The following CAMKMT variants were observed in gnomAD, a reference collection of about 807,000 sequenced individuals.
The protein encoded by CAMKMT is CaM KMT.
Under a neutral mutation model 48.0 loss-of-function variants are expected in CAMKMT, and 53 were observed. That is an observed-to-expected ratio of 1.10 (90% CI 0.89 to 1.39). The LOEUF (loss-of-function observed/expected upper bound fraction) is 1.39. Among genes scored for constraint, CAMKMT ranks in the 40% most tolerant of loss-of-function variants. The pLI, the probability that CAMKMT is intolerant of heterozygous loss-of-function variation, is 0.00. For missense variants in CAMKMT, 428 were observed against 402.7 expected (o/e 1.06, Z -0.54); for synonymous variants, 165 against 152.3 (o/e 1.08, Z -0.61).
intron 3 of CAMKMT, among the ~76,000 whole-genome samples, chr2:44,607,450 C>A (rs1171846020): frequency 1.3e-5 from 2 of 152,160 alleles, no homozygotes; most frequent in East Asian, 3.8e-4. Flanking sequence ...ATTGCTCTTG[C>A]ATGTGTCGCA....
At chr2:44,365,132 A>C (rs1380875530) in intron 1 of CAMKMT, among the ~76,000 whole-genome samples, 1 of 152,240 alleles carries the variant, frequency 6.6e-6, no homozygotes, top group Non-Finnish European at 1.5e-5. Context: ...GAAAACTATA[A>C]GGAATCTAAG....
At chr2:44,770,158 T>G (rs1401496667) in intron 10 of CAMKMT, among the ~76,000 whole-genome samples, 2 of 152,258 alleles carry the variant, frequency 1.3e-5, no homozygotes, top group African/African-American at 4.8e-5. Flanking sequence ...TTCTTAAAAC[T>G]CATAACATTC....
intron 3 of CAMKMT, among the ~76,000 whole-genome samples, chr2:44,544,911 A>G (rs1309786085): frequency 1.3e-5 from 2 of 152,258 alleles, no homozygotes; most frequent in African/African-American, 2.4e-5. Context: ...ATGTAATCCA[A>G]TGATGACTAG....
intron 3 of CAMKMT, among the ~76,000 whole-genome samples, chr2:44,399,850 C>T (rs997811720): frequency 1.3e-5 from 2 of 152,126 alleles, no homozygotes; most frequent in African/African-American, 2.4e-5. Context: ...TGTACAGCCT[C>T]GTTTGCCTCC....
chr2:44,427,850 C>G (rs116602881), intron 3 of CAMKMT, among the ~76,000 whole-genome samples: 2,039 of 152,248 alleles, frequency 0.013, 45 homozygotes, highest in African/African-American at 0.047. Context: ...TTGACCCCCT[C>G]ATGGGACTTG....
At chr2:44,384,647 A>T (rs1037645804) in intron 2 of CAMKMT, among the ~76,000 whole-genome samples, 1 of 151,718 alleles carries the variant, frequency 6.6e-6, no homozygotes, top group Non-Finnish European at 1.5e-5. Flanking sequence ...AATCCATCCT[A>T]AGTTGATTTT....
At chr2:44,666,756 C>T (rs527370767) in intron 3 of CAMKMT, among the ~76,000 whole-genome samples, 27 of 152,110 alleles carry the variant, frequency 1.8e-4, no homozygotes, top group African/African-American at 4.3e-4. Context: ...AGTACAGGCG[C>T]GAGCCGCCAT....
rs190703922 is a variant in CAMKMT at position 44,577,787 on chromosome 2, A to G, written c.377-126496A>G. Among the ~76,000 whole-genome samples the G allele has an allele frequency of 1.6e-3, 236 of 152,216 alleles. 3 individuals carry two copies. The highest frequency in any genetic ancestry group is 5.6e-3 in the South Asian group (27 of 4,810). On this transcript the variant is annotated intron_variant, in intron 3 of 10. Transcript: ENST00000378494. ...CCAGGAAATAGCTCTTATCAACCAG[A>G]GGCTGGGAACAGGGGGCTGCAGTGG...
chr2:44,373,475 T>C (rs1679379481), intron 2 of CAMKMT, among the ~76,000 whole-genome samples: 1 of 152,192 alleles, frequency 6.6e-6, no homozygotes, highest in Admixed American at 6.5e-5. Flanking sequence ...TCTCTCACAG[T>C]TATGTTCTAG....
intron 6 of CAMKMT, 95 bp from the exon 7 acceptor site, chr2:44,715,192 C>CA (rs35173334): frequency 0.089 from 37,528 of 423,192 alleles, 77 homozygotes; most frequent in East Asian, 0.12. Context: ...GACCCTGTCT[C>CA]AAAAAAAAAA....
intron 1 of CAMKMT, among the ~76,000 whole-genome samples, chr2:44,371,702 T>C (rs939366642): frequency 3.3e-5 from 5 of 152,184 alleles, no homozygotes; most frequent in Admixed American, 6.5e-5. Context: ...CCCACCACCA[T>C]TATTTTGAAG....
In CAMKMT at chr2:44,556,905, C is replaced by T. The variant is rs78136237; in HGVS notation, c.377-147378C>T. Among the ~76,000 whole-genome samples, 790 of 151,712 alleles carry T rather than the reference C, an allele frequency of 5.2e-3. 3 individuals carry two copies. Among genetic ancestry groups the T allele is most frequent in the African/African-American group, 0.018 (755 of 41,202 alleles). On this transcript the variant is annotated intron_variant, in intron 3 of 10. Coordinates refer to ENST00000378494, the MANE Select transcript of CAMKMT (RefSeq NM_024766.5). ...CCAGCCTGGCAAGATAATGAGACCC[C>T]GTCTCTACAAAAAAAATTTACAAAA...
At chr2:44,670,444 C>T (rs1476440134) in intron 3 of CAMKMT, among the ~76,000 whole-genome samples, 2 of 152,134 alleles carry the variant, frequency 1.3e-5, no homozygotes, top group Non-Finnish European at 2.9e-5. Flanking sequence ...GTGATTGCAC[C>T]ACTGCACTCC....
intron 3 of CAMKMT, among the ~76,000 whole-genome samples, chr2:44,441,476 G>A (rs1263720313): frequency 1.3e-5 from 2 of 152,020 alleles, no homozygotes; most frequent in African/African-American, 2.4e-5. Context: ...CATGGCACAC[G>A]GCATAGTACC....
At chr2:44,751,614 A>G (rs1230567299) in intron 8 of CAMKMT, among the ~76,000 whole-genome samples, 12 of 152,152 alleles carry the variant, frequency 7.9e-5, no homozygotes, top group Admixed American at 7.9e-4. Flanking sequence ...TTTGTATTTA[A>G]CACGTGTCCT....
chr2:44,422,514 T>TAC (rs1684000290), intron 3 of CAMKMT, among the ~76,000 whole-genome samples: 1 of 152,160 alleles, frequency 6.6e-6, no homozygotes, highest in African/African-American at 2.4e-5. Flanking sequence ...TCAGTCTTGT[T>TAC]GTATGGATGC....
rs1171074647 is a variant in CAMKMT at position 44,445,670 on chromosome 2, T to G, written c.376+55365T>G. 3.2e-4 allele frequency among the ~76,000 whole-genome samples: 39 copies of G among 120,494 alleles called. 6 individuals carry two copies. Among genetic ancestry groups the G allele is most frequent in the African/African-American group, 4.6e-4 (15 of 32,922 alleles). The allele number at this position is 120,494 out of a possible 152,430, so 79.0% of individuals were successfully genotyped here. The stretch of plus-strand genomic sequence containing the variant: ...GTTTTTTTTTTTTTTTTTTTTTTTT[T>G]TTTTTTTTTTTTTTTTTTTTTTTAC... On this transcript the variant is annotated intron_variant, in intron 3 of 10. Coordinates refer to ENST00000378494, the MANE Select transcript of CAMKMT (RefSeq NM_024766.5).
intron 3 of CAMKMT, among the ~76,000 whole-genome samples, chr2:44,608,821 T>A (rs1022988568): frequency 2.6e-5 from 4 of 152,216 alleles, no homozygotes; most frequent in Non-Finnish European, 5.9e-5. Context: ...CCTGTAAAAT[T>A]CCCATATTCT....
chr2:44,646,610 A>G (rs1673747841), intron 3 of CAMKMT, among the ~76,000 whole-genome samples: 1 of 152,188 alleles, frequency 6.6e-6, no homozygotes, highest in Non-Finnish European at 1.5e-5. Flanking sequence ...ACATTTGCCC[A>G]GCCTGTTCTT....
Sources: gnomAD v4.1 joint callset for allele counts (sites outside exome capture counted in the v4.1 genomes callset) on GRCh38, gnomAD v4.1.1 for gene constraint, MANE v1.5 for transcripts, NCBI Gene and HGNC (gene_info 2026-07-23, HGNC 2026-07-21) for gene names.